The following WDFY4 variants were observed in gnomAD, a reference collection of about 807,000 sequenced individuals.
WDFY4 encodes the protein WDFY family member 4, also known as WD repeat- and FYVE domain-containing protein 4.
A neutral mutation model predicts 351.9 loss-of-function variants in WDFY4; 169 were observed. The ratio of observed to expected loss-of-function variants is 0.48; its 90% confidence interval spans 0.42 to 0.55. The LOEUF (loss-of-function observed/expected upper bound fraction) is 0.55. Among genes scored for constraint, WDFY4 ranks in the 20% least tolerant of loss-of-function variants. The probability of loss-of-function intolerance (pLI) is 0.00; values close to 1 mark genes in which losing one functional copy is unlikely to be tolerated. For synonymous variants in WDFY4, 1,622 were observed against 1,574.6 expected (o/e 1.03, Z -0.71); for missense variants, 3,803 against 3,935.6 (o/e 0.97, Z 0.90).
chr10:48,689,045 C>T (rs2063129518), intron 1 of WDFY4, among the ~76,000 whole-genome samples: 1 of 152,132 alleles, frequency 6.6e-6, no homozygotes, highest in African/African-American at 2.4e-5. Flanking sequence ...CCACCCCCAC[C>T]CCAGTGAACT....
chr10:48,818,780 C>T (rs2067708610), intron 32 of WDFY4, among the ~76,000 whole-genome samples: 1 of 152,168 alleles, frequency 6.6e-6, no homozygotes, highest in Non-Finnish European at 1.5e-5. Flanking sequence ...TTGATGAATT[C>T]ATATCAAGTA....
At chr10:48,840,509 G>T (rs947320874) in intron 39 of WDFY4, among the ~76,000 whole-genome samples, 3 of 150,234 alleles carry the variant, frequency 2.0e-5, no homozygotes, top group Non-Finnish European at 4.4e-5. Context: ...ACACACACAC[G>T]TGTATATGCA....
At chr10:48,896,056 A>G (rs528211363) in intron 44 of WDFY4, among the ~76,000 whole-genome samples, 1 of 152,300 alleles carries the variant, frequency 6.6e-6, no homozygotes, top group South Asian at 2.1e-4. Flanking sequence ...GGGTCTTGCA[A>G]ACTGAATGAG....
chr10:48,830,966 T>A, intron 38 of WDFY4, 81 bp downstream of exon 38: 2 of 1,401,036 alleles, frequency 1.4e-6, no homozygotes, highest in Non-Finnish European at 9.6e-7. Flanking sequence ...ACTCAGTGCC[T>A]AGAGCCTTTT....
chr10:48,900,897 C>T (rs755374504), intron 46 of WDFY4, among the ~76,000 whole-genome samples: 1 of 152,164 alleles, frequency 6.6e-6, no homozygotes, highest in Non-Finnish European at 1.5e-5. Flanking sequence ...TGTAGTGAAT[C>T]TAGAAAGAAC....
chr10:48,820,081 G>T (rs879802091), intron 32 of WDFY4, among the ~76,000 whole-genome samples, 153 bp from the exon 33 acceptor site: 1 of 152,168 alleles, frequency 6.6e-6, no homozygotes, highest in Non-Finnish European at 1.5e-5. Context: ...ATGAGCAGCT[G>T]GATCCTGGGC....
At chr10:48,739,641 G>C (rs1414973994) in intron 11 of WDFY4, among the ~76,000 whole-genome samples, 1 of 152,128 alleles carries the variant, frequency 6.6e-6, no homozygotes, top group Admixed American at 6.5e-5. Flanking sequence ...CCCATCCCAA[G>C]AAATAATAGA....
chr10:48,840,429 C>CACAT (rs2068559333), intron 39 of WDFY4, among the ~76,000 whole-genome samples: 1 of 147,328 alleles, frequency 6.8e-6, no homozygotes, highest in African/African-American at 2.6e-5. Flanking sequence ...TACACATACA[C>CACAT]ACACACACAC....
At chr10:48,687,930 C>A (rs116260105) in intron 1 of WDFY4, among the ~76,000 whole-genome samples, 1 of 152,136 alleles carries the variant, frequency 6.6e-6, no homozygotes, top group Non-Finnish European at 1.5e-5. Context: ...TACTGGCGTG[C>A]GCCACCACAT....
rs187969604 is a variant in WDFY4, at chr10:48,975,155, G to A, written c.9108+114G>A. On this transcript the variant is annotated intron_variant, in intron 58 of 61. Coordinates refer to ENST00000325239, the MANE Select transcript of WDFY4 (RefSeq NM_001394531.1). Reference sequence around the variant, plus strand: ...CTCTAGCCACCCCAGAATGCTGAGAGGGCCCCCAATTGTGTGGAACAGTCG... The same window carrying A: ...CTCTAGCCACCCCAGAATGCTGAGAAGGCCCCCAATTGTGTGGAACAGTCG... 255 of 1,395,998 alleles carry A rather than the reference G, an allele frequency of 1.8e-4. No homozygotes were observed. In the African/African-American group the frequency reaches 3.2e-3, roughly 18 times the overall value. 86.5% of individuals were successfully genotyped at this position (1,395,998 alleles called of 1,614,324 possible).
chr10:48,798,368 A>G (rs1010501991), intron 24 of WDFY4, among the ~76,000 whole-genome samples: 3 of 152,170 alleles, frequency 2.0e-5, no homozygotes, highest in Admixed American at 6.5e-5. Flanking sequence ...TGTTTCTCCT[A>G]AAACAGACAA....
intron 47 of WDFY4, among the ~76,000 whole-genome samples, chr10:48,928,979 G>A (rs1371363724): frequency 6.6e-6 from 1 of 152,176 alleles, no homozygotes; most frequent in Non-Finnish European, 1.5e-5. Flanking sequence ...CAAAAATAAG[G>A]TGTAATGACA....
At chr10:48,830,004 G>A (rs149980043) in intron 37 of WDFY4, among the ~76,000 whole-genome samples, 52 of 152,334 alleles carry the variant, frequency 3.4e-4, no homozygotes, top group African/African-American at 1.2e-3. Flanking sequence ...GCTGGGCTGG[G>A]CACTGTCCAT....
intron 47 of WDFY4, among the ~76,000 whole-genome samples, chr10:48,926,956 G>A (rs1045798375): frequency 6.6e-6 from 1 of 152,216 alleles, no homozygotes; most frequent in African/African-American, 2.4e-5. Flanking sequence ...TGAGTCAAGA[G>A]TGTGAAGACA....
At chr10:48,787,118 C>T (rs970158243) in intron 20 of WDFY4, among the ~76,000 whole-genome samples, 3 of 152,134 alleles carry the variant, frequency 2.0e-5, no homozygotes, top group African/African-American at 7.2e-5. Context: ...ATACCATCAG[C>T]AAAGAAAGAG....
At chr10:48,973,339 G>A (rs529127466) in intron 57 of WDFY4, among the ~76,000 whole-genome samples, 1 of 152,288 alleles carries the variant, frequency 6.6e-6, no homozygotes, top group East Asian at 1.9e-4. Context: ...TTCCTAGGAT[G>A]ACCCAAATCT....
chr10:48,963,506 A>G (rs975808755), intron 53 of WDFY4, among the ~76,000 whole-genome samples: 4 of 152,166 alleles, frequency 2.6e-5, no homozygotes, highest in African/African-American at 4.8e-5. Context: ...CAAGACCCCA[A>G]GACTTTATTT....
intron 55 of WDFY4, chr10:48,966,931 AC>A (rs1188117921): frequency 1.4e-5 from 7 of 490,288 alleles, no homozygotes; most frequent in African/African-American, 1.2e-4. Flanking sequence ...ACACATACAC[AC>A]ACAGACACCT....
intron 14 of WDFY4, among the ~76,000 whole-genome samples, 197 bp downstream of exon 14, chr10:48,774,869 A>C (rs1017460041): frequency 6.6e-6 from 1 of 152,176 alleles, no homozygotes. Context: ...AAGCAGACAT[A>C]GCCCCCTCTA....
Sources: allele counts gnomAD v4.1 joint callset (sites outside exome capture counted in the v4.1 genomes callset), GRCh38; gene constraint gnomAD v4.1.1; transcripts MANE v1.5; gene names NCBI Gene and HGNC (gene_info 2026-07-23, HGNC 2026-07-21).